IFT80: variants seen among roughly 807,000 people sequenced by gnomAD.
IFT80 encodes the protein intraflagellar transport protein 80 homolog.
IFT80 carries 79 observed loss-of-function variants against 107.9 expected under a neutral mutation model. The observed-to-expected ratio is 0.73, with a 90% CI of 0.61 to 0.88. The LOEUF is 0.88. IFT80 is among the 40% of genes least tolerant of loss of function. The pLI is 0.00. For synonymous variants in IFT80, 299 were observed against 300.9 expected (o/e 0.99, Z 0.07); for missense variants, 797 against 914.2 (o/e 0.87, Z 1.65).
chr3:160,394,107 A>C (rs985789986), intron 1 of IFT80: 1 of 152,192 alleles, frequency 6.6e-6, no homozygotes, highest in Non-Finnish European at 1.5e-5. Context: ...TGCACACTTG[A>C]GCTGAGATCT....
intron 5 of IFT80, among the ~76,000 whole-genome samples, chr3:160,370,965 A>G (rs75105261): frequency 0.013 from 2,040 of 152,276 alleles, 23 homozygotes; most frequent in Middle Eastern, 0.02. Flanking sequence ...GTTTAACTTT[A>G]TTATTACTGA....
intron 1 of IFT80, among the ~76,000 whole-genome samples, chr3:160,397,714 T>C (rs1306419022): frequency 2.2e-5 from 3 of 138,028 alleles, no homozygotes; most frequent in South Asian, 2.3e-4. Flanking sequence ...ATTTGGTCTA[T>C]ACTTTTTTTT....
At chr3:160,324,337 T>C (rs1718507882) in intron 8 of IFT80, among the ~76,000 whole-genome samples, 1 of 152,070 alleles carries the variant, frequency 6.6e-6, no homozygotes, top group Non-Finnish European at 1.5e-5. Flanking sequence ...AAAAGAGAAT[T>C]TTAGACCAAT....
rs919802287 is a variant in IFT80, at chr3:160,257,938, T to C, written c.*587A>G. The C allele has an allele frequency of 6.5e-6, 1 of 153,804 alleles. No individual in the cohort carries two copies. Among genetic ancestry groups the C allele is most frequent in the Non-Finnish European group, 1.4e-5 (1 of 69,152 alleles). The allele number at this position is 153,804 out of a possible 1,614,324, so 9.5% of individuals were successfully genotyped here. A position where few individuals can be genotyped will look rare whatever the true frequency, so the allele number is the denominator to read the frequency against. ...GTAGTATTTATCAGAATTTCATTCCTTTTTAAAGCTAAATAATATTCCATT... is the reference window on the plus strand; with the variant it reads ...GTAGTATTTATCAGAATTTCATTCCCTTTTAAAGCTAAATAATATTCCATT... On this transcript the variant is annotated 3_prime_UTR_variant, in exon 20 of 20. Transcript: ENST00000326448.
intron 2 of IFT80, chr3:160,383,880 T>A: frequency 1.0e-6 from 1 of 985,350 alleles, no homozygotes; most frequent in South Asian, 4.7e-5. Flanking sequence ...ATCATGAATG[T>A]AAAGAAATAG....
In IFT80 at chr3:160,280,751, G is replaced by C. The variant is rs759566776; in HGVS notation, c.1580C>G (p.Thr527Ser). ...GGGGTAATACCACACTATAAATCGA[G>C]TATCTTGAAGTCCACAAAGGATATT... ...TCNILCGLQD[T>S]RFIVWYYPNT... The change falls in exon 15 of 20, where the codon ACT becomes AGT. Residue 527 changes from threonine (T) to serine (S), a missense_variant. Transcript: ENST00000326448. 2 of 1,612,486 alleles carry C rather than the reference G, an allele frequency of 1.2e-6. No individual in the cohort carries two copies. Among genetic ancestry groups the C allele is most frequent in the South Asian group, 1.1e-5 (1 of 91,048 alleles).
chr3:160,351,579 AT>A (rs1720705679), intron 8 of IFT80, among the ~76,000 whole-genome samples: 1 of 107,556 alleles, frequency 9.3e-6, no homozygotes, highest in South Asian at 2.7e-4. Flanking sequence ...ACACACATAT[AT>A]TATATGTATA....
intron 10 of IFT80, among the ~76,000 whole-genome samples, chr3:160,304,788 T>C (rs745804378): frequency 1.3e-5 from 2 of 152,114 alleles, no homozygotes; most frequent in African/African-American, 2.4e-5. Context: ...ATTTGTAAAA[T>C]GGGGATAATG....
At chr3:160,360,695 G>A (rs1283625766) in intron 6 of IFT80, among the ~76,000 whole-genome samples, 6 of 152,148 alleles carry the variant, frequency 3.9e-5, no homozygotes, top group Non-Finnish European at 7.3e-5. Flanking sequence ...GAGATTGGGG[G>A]CCAATATTCA....
intron 8 of IFT80, among the ~76,000 whole-genome samples, chr3:160,342,427 T>C (rs1447332642): frequency 1.3e-5 from 2 of 152,208 alleles, no homozygotes; most frequent in Non-Finnish European, 2.9e-5. Context: ...AGACTATTTT[T>C]TTCCTTCTGT....
At chr3:160,262,116 G>C (rs1488952329) in intron 19 of IFT80, among the ~76,000 whole-genome samples, 2 of 152,104 alleles carry the variant, frequency 1.3e-5, no homozygotes, top group Non-Finnish European at 2.9e-5. Context: ...GGGAGAGATA[G>C]GTGAAAAGAG....
At chr3:160,340,459 G>T (rs904205240) in intron 8 of IFT80, among the ~76,000 whole-genome samples, 2 of 152,164 alleles carry the variant, frequency 1.3e-5, no homozygotes, top group Admixed American at 6.5e-5. Flanking sequence ...GTGCTAACAA[G>T]GCTGCATTCC....
At chr3:160,286,594 G>A (rs1399754648) in intron 12 of IFT80, among the ~76,000 whole-genome samples, 1 of 152,160 alleles carries the variant, frequency 6.6e-6, no homozygotes, top group African/African-American at 2.4e-5. Flanking sequence ...AAAACTCAGG[G>A]AAGGGACCAG....
chr3:160,397,361 C>T (rs1413664136), intron 1 of IFT80, among the ~76,000 whole-genome samples: 2 of 152,196 alleles, frequency 1.3e-5, no homozygotes, highest in Non-Finnish European at 2.9e-5. Context: ...AAGCTGTTTC[C>T]TCCATATCAT....
chr3:160,384,532 T>C (rs1244495585), intron 2 of IFT80, 32 bp downstream of exon 2: 2 of 1,413,078 alleles, frequency 1.4e-6, no homozygotes, highest in Non-Finnish European at 9.7e-7. Flanking sequence ...ATTAAGAAAA[T>C]CCAATAAGAT....
At chr3:160,380,782 T>A (rs1006919101) in intron 3 of IFT80, among the ~76,000 whole-genome samples, 2 of 152,170 alleles carry the variant, frequency 1.3e-5, no homozygotes, top group Non-Finnish European at 2.9e-5. Flanking sequence ...ACTCTGTAAC[T>A]GAAAATTAAC....
rs115849906 is a variant in IFT80 at position 160,268,393 on chromosome 3, C to G, written c.2223+20G>C. The G allele has an allele frequency of 4.9e-5, 78 of 1,597,112 alleles. No homozygotes were observed. Among genetic ancestry groups the G allele is most frequent in the Non-Finnish European group, 6.7e-5 (78 of 1,165,388 alleles). On this transcript the variant is annotated intron_variant, in intron 19 of 19. Transcript: ENST00000326448. ...CTTATAAAGCATATGTATTATTATA[C>G]AAAATTGTGAAATACTTACACCTTC... is the stretch of plus-strand genomic sequence containing the variant.
At chr3:160,299,332 G>T in intron 12 of IFT80, 2 of 652,522 alleles carry the variant, frequency 3.1e-6, no homozygotes, top group Non-Finnish European at 4.1e-6. Context: ...GCCAGTATAA[G>T]AGGTGCTATT....
chr3:160,291,198 C>G (rs2108251161), intron 12 of IFT80, among the ~76,000 whole-genome samples: 1 of 152,300 alleles, frequency 6.6e-6, no homozygotes, highest in African/African-American at 2.4e-5. Flanking sequence ...GAATTCCCAT[C>G]TGAGAGGCAA....
Sources: gnomAD v4.1 joint callset for allele counts (sites outside exome capture counted in the v4.1 genomes callset) on GRCh38, gnomAD v4.1.1 for gene constraint, MANE v1.5 for transcripts, NCBI Gene and HGNC (gene_info 2026-07-23, HGNC 2026-07-21) for gene names.